The following SEMA4G variants were observed in gnomAD, a reference collection of about 807,000 sequenced individuals.
SEMA4G encodes the protein semaphorin 4G.
A neutral mutation model predicts 81.2 loss-of-function variants in SEMA4G; 59 were observed. That is an observed-to-expected ratio of 0.73 (90% CI 0.59 to 0.90). SEMA4G has a LOEUF of 0.90. Ranked by LOEUF, SEMA4G falls within the 40% of genes least tolerant of loss-of-function variation. The pLI, the probability that SEMA4G is intolerant of heterozygous loss-of-function variation, is 0.00. For synonymous variants in SEMA4G, 404 were observed against 433.9 expected (o/e 0.93, Z 0.86); for missense variants, 952 against 1,102.3 (o/e 0.86, Z 1.93).
chr10:100,978,107 A>C (rs932663557), intron 4 of SEMA4G, 188 bp from the exon 6 acceptor site: 3 of 593,880 alleles, frequency 5.1e-6, no homozygotes, highest in Non-Finnish European at 9.0e-6. Context: ...TTGGAACTCC[A>C]AACATACATT....
At chr10:100,979,722 A>G (rs1850965585) in intron 8 of SEMA4G, 126 bp from the exon 10 acceptor site, 1 of 1,086,338 alleles carries the variant, frequency 9.2e-7, no homozygotes. Context: ...ACTGACTCAC[A>G]GGAGAGGCCC....
Position 100,983,973 on chromosome 10 carries a change from C to A in SEMA4G, c.2359C>A (p.Arg787=), listed in dbSNP as rs556496771. Residue 787 remains arginine, a synonymous_variant, in exon 14 of 14, where the codon CGG becomes AGG. Transcript: ENST00000370250. ...CAATGGCTTGGTGGCACTGCCCAGC[C>A]GGCTGCGGAGGATGAATGGCAATAG... The A allele has an allele frequency of 2.5e-6, 4 of 1,612,464 alleles. No individual in the cohort carries two copies. The African/African-American group carries it at 5.3e-5, about 22-fold the overall frequency.
intron 13 of SEMA4G, 136 bp downstream of exon 14, chr10:100,981,365 C>G: frequency 6.2e-7 from 1 of 1,609,064 alleles, no homozygotes; most frequent in African/African-American, 1.3e-5. Context: ...AACACAGAGC[C>G]TGGCACAGAG....
chr10:100,981,645 T>A (rs554309631), intron 13 of SEMA4G: 2 of 1,387,452 alleles, frequency 1.4e-6, no homozygotes. Context: ...TGTCATCTAC[T>A]GTCACAGCAT....
chr10:100,977,811 C>T (rs1011964193), intron 4 of SEMA4G, 81 bp downstream of exon 5: 2 of 1,220,704 alleles, frequency 1.6e-6, no homozygotes, highest in African/African-American at 3.0e-5. Flanking sequence ...AGAAGAGACT[C>T]AGAGCCAGTG....
Position 100,984,458 on chromosome 10 carries a change from T to A in SEMA4G, c.*327T>A, listed in dbSNP as rs1035962765. On this transcript the variant is annotated 3_prime_UTR_variant, in exon 14 of 14. Transcript: ENST00000370250. ...TGAGGACTCCATCCTCCTGTTCCATTCATCTGCCCAAACCCTTTCTCTTTC... is the reference window on the plus strand; with the variant it reads ...TGAGGACTCCATCCTCCTGTTCCATACATCTGCCCAAACCCTTTCTCTTTC... The A allele has an allele frequency of 1.2e-5, 18 of 1,519,242 alleles. No homozygotes were observed. In the African/African-American group the frequency reaches 2.3e-4, roughly 20 times the overall value. 94.1% of individuals were successfully genotyped at this position (1,519,242 alleles called of 1,614,324 possible). A position where few individuals can be genotyped will look rare whatever the true frequency, so the allele number is the denominator to read the frequency against.
intron 10 of SEMA4G, 30 bp from the exon 12 acceptor site, chr10:100,980,548 G>T (rs764556630): frequency 6.3e-7 from 1 of 1,578,770 alleles, no homozygotes; most frequent in South Asian, 1.1e-5. Flanking sequence ...CCCATAGTTG[G>T]GGTCTAACTC....
exon 6 of SEMA4G, chr10:100,978,595 C>T (rs1159156117): frequency 6.2e-7 from 1 of 1,614,022 alleles, no homozygotes; most frequent in Non-Finnish European, 8.5e-7. Context: ...GAGCCGCCAC[C>T]CACACTCCCT....
At chr10:100,979,820 A>T in intron 8 of SEMA4G, 28 bp from the exon 10 acceptor site, 1 of 1,609,860 alleles carries the variant, frequency 6.2e-7, no homozygotes, top group Non-Finnish European at 8.5e-7. Flanking sequence ...CATGTAACTC[A>T]CCCCCCTTGC....
Position 100,979,190 on chromosome 10 carries a change from C to T in SEMA4G, c.902C>T (p.Thr301Ile), listed in dbSNP as rs201040570. The T allele has an allele frequency of 8.4e-5, 135 of 1,614,238 alleles. No homozygotes were observed. Among genetic ancestry groups the T allele is most frequent in the Non-Finnish European group, 1.1e-4 (129 of 1,180,052 alleles). ...ATCTGCCACATTCCACTGTATGAGA[C>T]ACTGCGTGGGGTCTGCAGCCTGGAT... The change falls in exon 8 of 14, where the codon ACA (threonine) becomes ATA (isoleucine). Residue 301 changes from threonine (T) to isoleucine (I), a missense_variant. Coordinates refer to ENST00000370250, the Ensembl canonical transcript of SEMA4G.
At chr10:100,984,343 C>T (rs564705467) in exon 14 of SEMA4G, 267 of 1,441,478 alleles carry the variant, frequency 1.9e-4, no homozygotes, top group Middle Eastern at 2.5e-4. Context: ...CCAGGCCCAT[C>T]GGTGCTCCTC....
intron 8 of SEMA4G, chr10:100,979,508 G>T: frequency 9.0e-7 from 1 of 1,113,394 alleles, no homozygotes; most frequent in Non-Finnish European, 1.2e-6. Flanking sequence ...TCGGCCTCCC[G>T]AGTAGCTGGG....
At chr10:100,969,757 C>G (rs1850576675), upstream of SEMA4G, 1 of 424,586 alleles carries the variant, frequency 2.4e-6, no homozygotes, top group Non-Finnish European at 4.8e-6. Context: ...GGGGCGCGGG[C>G]CAGGCCTCGG....
chr10:100,977,836 TTTA>T, intron 4 of SEMA4G, 106 bp downstream of exon 5: 2 of 975,790 alleles, frequency 2.0e-6, no homozygotes, highest in Non-Finnish European at 3.3e-6. Context: ...AGACGGATGG[TTTA>T]TTAAGGGGAC....
intron 10 of SEMA4G, 46 bp downstream of exon 11, chr10:100,980,390 A>G: frequency 6.5e-7 from 1 of 1,546,188 alleles, no homozygotes; most frequent in Non-Finnish European, 8.9e-7. Context: ...CTGATCACTA[A>G]TGCTTCTGAA....
chr10:100,985,493 C>G (rs1397200065), downstream of SEMA4G: 1 of 152,708 alleles, frequency 6.5e-6, no homozygotes, highest in Non-Finnish European at 1.5e-5. Context: ...GTGAGAATGG[C>G]TACACTTCTT....
At chr10:100,977,041 T>C (rs1021956419) in intron 3 of SEMA4G, among the ~76,000 whole-genome samples, 6 of 151,984 alleles carry the variant, frequency 3.9e-5, no homozygotes, top group Non-Finnish European at 8.8e-5. Context: ...GGTGAGGAAG[T>C]AGGAAGCAGC....
In SEMA4G at chr10:100,980,747, T is replaced by C. The variant is rs534339875; in HGVS notation, c.1467+54T>C. Reference sequence around the variant, plus strand: ...GCCTTGCTGAAATAGGAAGAGGGAGTGGGGAGGTTGGGCAGAGGCTGTGTA... The same window carrying C: ...GCCTTGCTGAAATAGGAAGAGGGAGCGGGGAGGTTGGGCAGAGGCTGTGTA... On this transcript the variant is annotated intron_variant, in intron 11 of 13. Coordinates refer to ENST00000370250, the Ensembl canonical transcript of SEMA4G. The C allele has an allele frequency of 6.9e-6, 11 of 1,604,118 alleles. No individual in the cohort carries two copies. In the East Asian group the frequency reaches 2.2e-4, roughly 33 times the overall value.
chr10:100,984,374 G>A, exon 14 of SEMA4G: 4 of 1,447,844 alleles, frequency 2.8e-6, no homozygotes, highest in Middle Eastern at 5.1e-4. Context: ...GCTCCCTCAG[G>A]ATCAGGTGCC....
Sources: gnomAD v4.1 joint callset for allele counts (sites outside exome capture counted in the v4.1 genomes callset) on GRCh38, gnomAD v4.1.1 for gene constraint, MANE v1.5 for transcripts, NCBI Gene and HGNC (gene_info 2026-07-23, HGNC 2026-07-21) for gene names.